Variants in RBL1 observed in about 807,000 individuals in gnomAD.
RBL1 encodes the protein retinoblastoma-like protein 1.
RBL1 carries 82 observed loss-of-function variants against 123.0 expected under a neutral mutation model. That is an observed-to-expected ratio of 0.67 (90% confidence interval 0.56 to 0.80). RBL1 has a LOEUF of 0.80. Ranked by LOEUF, RBL1 falls within the 30% of genes least tolerant of loss-of-function variation. The pLI, the probability that RBL1 is intolerant of heterozygous loss-of-function variation, is 0.00. For synonymous variants in RBL1, 405 were observed against 441.3 expected (o/e 0.92, Z 1.03); for missense variants, 1,171 against 1,299.6 (o/e 0.90, Z 1.52).
At chr20:37,051,337 C>A (rs1020153084) in intron 11 of RBL1, among the ~76,000 whole-genome samples, 10 of 152,166 alleles carry the variant, frequency 6.6e-5, no homozygotes. Context: ...TGTGCCACTA[C>A]ACCTGGATAA....
chr20:37,003,878 C>A lies in RBL1; in HGVS notation c.2872-12G>T, dbSNP rs765299518. On this transcript the variant is annotated splice_polypyrimidine_tract_variant and intron_variant, in intron 20 of 21. Coordinates refer to ENST00000373664, the MANE Select transcript of RBL1 (RefSeq NM_002895.5). ...GGTGGAGCATCCATCTAAAATAACC[C>A]AAAAGTCAGATTTTTTAGATAAAAG... is the stretch of plus-strand genomic sequence containing the variant. 1.9e-6 allele frequency: 3 copies of A among 1,576,430 alleles called. No homozygotes were observed. The East Asian group carries it at 6.8e-5, about 36-fold the overall frequency.
intron 2 of RBL1, among the ~76,000 whole-genome samples, chr20:37,084,967 T>C (rs1481156761): frequency 1.3e-5 from 2 of 152,028 alleles, no homozygotes; most frequent in Admixed American, 6.6e-5. Context: ...GGTTTCACCA[T>C]GTTAGCCAGG....
At chr20:37,016,719 G>C (rs2064259194) in intron 19 of RBL1, among the ~76,000 whole-genome samples, 1 of 151,866 alleles carries the variant, frequency 6.6e-6, no homozygotes, top group Non-Finnish European at 1.5e-5. Flanking sequence ...TTGAGCCCAG[G>C]AGTTGGAGAC....
chr20:36,999,287 T>G (rs1361674200), intron 21 of RBL1, among the ~76,000 whole-genome samples: 4 of 151,808 alleles, frequency 2.6e-5, no homozygotes, highest in Non-Finnish European at 5.9e-5. Flanking sequence ...GTGCCTGTAG[T>G]CTCAGCTACT....
At chr20:37,045,531 T>C (rs186416711) in intron 12 of RBL1, among the ~76,000 whole-genome samples, 155 of 152,010 alleles carry the variant, frequency 1.0e-3, no homozygotes, top group African/African-American at 3.4e-3. Context: ...AGTGAGAGGA[T>C]TGCTTGAGAC....
intron 16 of RBL1, among the ~76,000 whole-genome samples, chr20:37,028,037 A>G (rs1171339329): frequency 2.6e-5 from 4 of 152,192 alleles, no homozygotes; most frequent in Non-Finnish European, 2.9e-5. Context: ...TTACAGGCAT[A>G]AGCCACCATG....
chr20:37,095,645 G>C lies in RBL1; in HGVS notation c.156+128C>G, dbSNP rs865966471. On this transcript the variant is annotated intron_variant, in intron 1 of 21. Coordinates refer to ENST00000373664, the MANE Select transcript of RBL1 (RefSeq NM_002895.5). ...GCTACACCCACCTTTCCCGCCCCTC[G>C]GCGCTTGGCTGCGCAGCGACCCTCC... 3.1e-5 allele frequency: 24 copies of C among 782,668 alleles called. No homozygotes were observed. In the Middle Eastern group the frequency reaches 1.3e-3, roughly 41 times the overall value. 48.5% of individuals were successfully genotyped at this position (782,668 alleles called of 1,614,324 possible).
chr20:37,044,415 G>T (rs2064784127), intron 12 of RBL1, among the ~76,000 whole-genome samples, 165 bp from the exon 13 acceptor site: 2 of 152,020 alleles, frequency 1.3e-5, no homozygotes, highest in Non-Finnish European at 2.9e-5. Flanking sequence ...TTGGCTCACT[G>T]CAACCTCTGC....
intron 19 of RBL1, 60 bp from the exon 20 acceptor site, chr20:37,007,619 G>T (rs1208624276): frequency 3.9e-6 from 6 of 1,537,512 alleles, no homozygotes; most frequent in African/African-American, 2.7e-5. Context: ...TTGAGACAGG[G>T]TCTCACTTTG....
intron 18 of RBL1, among the ~76,000 whole-genome samples, chr20:37,020,088 CTT>C (rs34470853): frequency 2.9e-5 from 4 of 135,828 alleles, no homozygotes; most frequent in African/African-American, 2.6e-5. Flanking sequence ...TTATACATAA[CTT>C]TTTTTTTTTT....
intron 10 of RBL1, among the ~76,000 whole-genome samples, 189 bp from the exon 11 acceptor site, chr20:37,055,845 C>T (rs191528947): frequency 1.1e-4 from 17 of 152,130 alleles, no homozygotes; most frequent in Admixed American, 7.9e-4. Context: ...GGTCCGGAGT[C>T]TGAGACCAGC....
chr20:37,032,962 T>C, intron 15 of RBL1, 86 bp from the exon 16 acceptor site: 1 of 1,499,388 alleles, frequency 6.7e-7, no homozygotes, highest in Non-Finnish European at 8.9e-7. Context: ...TATATATACA[T>C]ATATCTGTGT....
At chr20:37,083,506 G>T (rs1175781332) in intron 2 of RBL1, among the ~76,000 whole-genome samples, 1 of 150,830 alleles carries the variant, frequency 6.6e-6, no homozygotes, top group African/African-American at 2.4e-5. Context: ...ATAAAAACAG[G>T]CTGGGCGCGG....
In RBL1 at chr20:36,996,432, G is replaced by A. The variant is rs189618584; in HGVS notation, c.*2327C>T. 2.3e-3 allele frequency: 351 copies of A among 152,114 alleles called. 2 individuals are homozygous for A. Among genetic ancestry groups the A allele is most frequent in the African/African-American group, 8.2e-3 (342 of 41,488 alleles). 9.4% of individuals were successfully genotyped at this position (152,114 alleles called of 1,614,324 possible). On this transcript the variant is annotated 3_prime_UTR_variant, in exon 22 of 22. Transcript: ENST00000373664. ...AAGTCCTGAAAACTGATAAAAACAT[G>A]TCCAGAATTTCTTTTTTTCCTTTTC...
At chr20:37,049,404 G>A (rs919825802) in intron 11 of RBL1, 54 of 737,252 alleles carry the variant, frequency 7.3e-5, no homozygotes, top group Middle Eastern at 3.8e-4. Context: ...CAAGCAACTG[G>A]AAGATGTCTG....
intron 7 of RBL1, 58 bp from the exon 8 acceptor site, chr20:37,062,328 C>G: frequency 6.4e-7 from 1 of 1,562,388 alleles, no homozygotes; most frequent in Non-Finnish European, 8.7e-7. Flanking sequence ...TTTATTTTGA[C>G]TTGAAGATAG....
Position 37,055,639 on chromosome 20 carries a change from G to A in RBL1, c.1381C>T (p.Leu461=). The A allele has an allele frequency of 6.2e-7, 1 of 1,613,018 alleles. No individual in the cohort carries two copies. Among genetic ancestry groups the A allele is most frequent in the Non-Finnish European group, 8.5e-7 (1 of 1,179,550 alleles). Residue 461 remains leucine (L), a synonymous_variant, in exon 11 of 22, where the codon CTA becomes TTA. Transcript: ENST00000373664. ...GSHIDFAVNR[L]KLAEILYYKI... is the part of the protein sequence containing the mutation. Reference sequence around the variant, plus strand: ...TAATACAAAATTTCTGCCAGCTTTAGTCTGTTTACAGCAAAGTCTATCAGG... The same window carrying A: ...TAATACAAAATTTCTGCCAGCTTTAATCTGTTTACAGCAAAGTCTATCAGG...
chr20:37,016,296 G>A (rs901678066), intron 19 of RBL1, among the ~76,000 whole-genome samples: 2 of 152,012 alleles, frequency 1.3e-5, no homozygotes, highest in African/African-American at 4.8e-5. Context: ...CCAAAGTGCT[G>A]GGATTACAGG....
intron 19 of RBL1, among the ~76,000 whole-genome samples, chr20:37,012,865 G>T (rs1474250951): frequency 1.3e-5 from 2 of 149,894 alleles, no homozygotes; most frequent in Admixed American, 1.3e-4. Flanking sequence ...CCCCTACTGG[G>T]AAGTGAGGAG....
Sources: allele counts gnomAD v4.1 joint callset (sites outside exome capture counted in the v4.1 genomes callset), GRCh38; gene constraint gnomAD v4.1.1; transcripts MANE v1.5; gene names NCBI Gene and HGNC (gene_info 2026-07-23, HGNC 2026-07-21).